ITPR1: variants seen among roughly 807,000 people sequenced by gnomAD.
The protein encoded by ITPR1 is inositol 1,4,5-trisphosphate receptor type 1.
A neutral mutation model predicts 318.4 loss-of-function variants in ITPR1; 96 were observed. The observed-to-expected ratio is 0.30, with a 90% CI of 0.26 to 0.36. The LOEUF is 0.36. Ranked by LOEUF, ITPR1 falls within the 10% of genes least tolerant of loss-of-function variation. ITPR1 has a pLI of 1.00. For missense variants in ITPR1, 2,440 were observed against 3,460.2 expected (o/e 0.71, Z 7.40); for synonymous variants, 1,312 against 1,289.9 (o/e 1.02, Z -0.37).
chr3:4,708,874 T>C (rs7637793), intron 37 of ITPR1, among the ~76,000 whole-genome samples: 57,854 of 152,114 alleles, frequency 0.38, 13,414 homozygotes, highest in Non-Finnish European at 0.54. Flanking sequence ...CTAGACATCC[T>C]TCTCACTTAA....
intron 4 of ITPR1, among the ~76,000 whole-genome samples, chr3:4,554,541 G>A (rs1281779772): frequency 6.6e-6 from 1 of 152,146 alleles, no homozygotes; most frequent in Non-Finnish European, 1.5e-5. Context: ...CTCACTGGTG[G>A]GTTGGGCTGG....
chr3:4,696,020 C>A (rs1439495401), intron 33 of ITPR1, among the ~76,000 whole-genome samples: 1 of 152,174 alleles, frequency 6.6e-6, no homozygotes, highest in African/African-American at 2.4e-5. Context: ...CCTCCCAACC[C>A]TGCTAACATT....
At chr3:4,680,470 C>T (rs1405692349) in intron 24 of ITPR1, 83 bp from the exon 25 acceptor site, 13 of 1,250,184 alleles carry the variant, frequency 1.0e-5, no homozygotes, top group South Asian at 1.3e-5. Context: ...GATACCAGGC[C>T]CCGCCAGTGT....
intron 30 of ITPR1, among the ~76,000 whole-genome samples, chr3:4,686,524 T>A (rs914774239): frequency 2.0e-5 from 3 of 152,216 alleles, no homozygotes; most frequent in African/African-American, 7.2e-5. Flanking sequence ...ATATCATCAG[T>A]TTCCCTAATG....
intron 4 of ITPR1, among the ~76,000 whole-genome samples, chr3:4,537,963 A>G (rs1466914105): frequency 1.3e-5 from 2 of 152,154 alleles, no homozygotes; most frequent in Non-Finnish European, 2.9e-5. Flanking sequence ...ATTACTCTTT[A>G]AAGAAACAAA....
At chr3:4,620,024 G>A (rs1408814006) in intron 4 of ITPR1, among the ~76,000 whole-genome samples, 1 of 151,776 alleles carries the variant, frequency 6.6e-6, no homozygotes, top group African/African-American at 2.4e-5. Context: ...AGTCTTTGAG[G>A]ATGTTATAGT....
Position 4,645,642 on chromosome 3 carries a change from A to C in ITPR1, c.769A>C (p.Arg257=). The C allele has an allele frequency of 6.2e-7, 1 of 1,613,390 alleles. No individual in the cohort carries two copies. ...GAAGTTTCTCACCTGTGACGAACAC[A>C]GGAAGAAGCAGCACGTCTTCCTGAG... ...QEKFLTCDEH[R]KKQHVFLRTT... is the part of the protein sequence containing the mutation. The change falls in exon 10 of 62, where the codon AGG becomes CGG. Residue 257 remains arginine (R), a synonymous_variant. Transcript: ENST00000649015.
chr3:4,785,695 T>C (rs1414144396), intron 51 of ITPR1, among the ~76,000 whole-genome samples: 1 of 152,190 alleles, frequency 6.6e-6, no homozygotes, highest in Non-Finnish European at 1.5e-5. Flanking sequence ...CCTTGGAGAT[T>C]ATCTCATTGA....
chr3:4,787,891 T>C lies in ITPR1; in HGVS notation c.6616-56T>C, dbSNP rs17786144. The C allele has an allele frequency of 0.11, 143,617 of 1,269,810 alleles. 9,589 individuals carry two copies. Among genetic ancestry groups the C allele is most frequent in the Non-Finnish European group, 0.14 (122,848 of 896,828 alleles). The allele number at this position is 1,269,810 out of a possible 1,614,324, so 78.7% of individuals were successfully genotyped here. A position where few individuals can be genotyped will look rare whatever the true frequency, so the allele number is the denominator to read the frequency against. ...CGAGTCTACCACCAGTAGCAAATAG[T>C]CTTAGTAAAAGGTTTCAAAGATGAA... On this transcript the variant is annotated intron_variant, in intron 51 of 61. Transcript: ENST00000649015.
At chr3:4,772,516 A>C (rs557310763) in intron 46 of ITPR1, among the ~76,000 whole-genome samples, 11 of 152,362 alleles carry the variant, frequency 7.2e-5, no homozygotes, top group African/African-American at 2.6e-4. Flanking sequence ...GCCAGTTGGC[A>C]TGTGTTTGGG....
At chr3:4,684,048 C>T (rs980017104) in intron 28 of ITPR1, among the ~76,000 whole-genome samples, 1 of 152,226 alleles carries the variant, frequency 6.6e-6, no homozygotes, top group Admixed American at 6.5e-5. Context: ...CCAGGTTTCC[C>T]TTACAGACCC....
At chr3:4,654,522 A>G (rs2125176195) in intron 12 of ITPR1, among the ~76,000 whole-genome samples, 1 of 152,352 alleles carries the variant, frequency 6.6e-6, no homozygotes, top group Admixed American at 6.5e-5. Flanking sequence ...GGGTTGAAGA[A>G]GGCAGCGGTT....
chr3:4,731,848 A>G (rs1034973942), intron 42 of ITPR1, among the ~76,000 whole-genome samples: 2 of 152,184 alleles, frequency 1.3e-5, no homozygotes, highest in African/African-American at 4.8e-5. Context: ...ACCTATTCTC[A>G]GAGCTTATTA....
chr3:4,513,099 A>G (rs2081953852), intron 2 of ITPR1, among the ~76,000 whole-genome samples: 3 of 152,118 alleles, frequency 2.0e-5, no homozygotes, highest in Admixed American at 2.0e-4. Context: ...CACAGGCACA[A>G]ATGGTCCACG....
chr3:4,535,022 C>T (rs1342194106), intron 4 of ITPR1, among the ~76,000 whole-genome samples: 1 of 151,974 alleles, frequency 6.6e-6, no homozygotes, highest in African/African-American at 2.4e-5. Flanking sequence ...AAAGAACCAG[C>T]TAATCGGTTT....
intron 4 of ITPR1, among the ~76,000 whole-genome samples, chr3:4,559,072 G>C (rs2086422453): frequency 6.6e-6 from 1 of 151,952 alleles, no homozygotes; most frequent in Non-Finnish European, 1.5e-5. Flanking sequence ...TGCCTAGGCT[G>C]GTCTCAAACT....
intron 17 of ITPR1, among the ~76,000 whole-genome samples, chr3:4,666,430 A>G (rs2093947265): frequency 6.6e-6 from 1 of 152,174 alleles, no homozygotes; most frequent in Non-Finnish European, 1.5e-5. Context: ...ATGAGGATAC[A>G]TCTGGGTCTG....
intron 3 of ITPR1, among the ~76,000 whole-genome samples, chr3:4,518,085 A>G (rs1193135843): frequency 1.3e-5 from 2 of 152,174 alleles, no homozygotes; most frequent in Non-Finnish European, 2.9e-5. Context: ...CCAGACTCCA[A>G]GGCTAGGGCT....
intron 4 of ITPR1, among the ~76,000 whole-genome samples, chr3:4,584,978 G>T (rs950819035): frequency 6.6e-6 from 1 of 152,206 alleles, no homozygotes; most frequent in African/African-American, 2.4e-5. Flanking sequence ...TGAAACACCA[G>T]AATGAAAACT....
Sources: gnomAD v4.1 joint callset for allele counts (sites outside exome capture counted in the v4.1 genomes callset) on GRCh38, gnomAD v4.1.1 for gene constraint, MANE v1.5 for transcripts, NCBI Gene and HGNC (gene_info 2026-07-23, HGNC 2026-07-21) for gene names.